The following CNBD1 variants were observed in gnomAD, a reference collection of about 807,000 sequenced individuals.
CNBD1 encodes the protein cyclic nucleotide binding domain containing 1.
In CNBD1, 71 loss-of-function variants were observed where a neutral mutation model predicts 54.4. The ratio of observed to expected loss-of-function variants is 1.30; its 90% CI spans 1.08 to 1.59. The LOEUF (loss-of-function observed/expected upper bound fraction) is 1.59. CNBD1 is among the 40% of genes most tolerant of loss of function. The pLI is 0.00. For synonymous variants in CNBD1, 182 were observed against 170.7 expected (o/e 1.07, Z -0.51); for missense variants, 659 against 518.0 (o/e 1.27, Z -2.64).
At chr8:87,039,436 A>T (rs764322598) in intron 4 of CNBD1, among the ~76,000 whole-genome samples, 2 of 151,924 alleles carry the variant, frequency 1.3e-5, no homozygotes, top group Admixed American at 6.6e-5. Flanking sequence ...GTTTCTGATG[A>T]TATATTATTT....
chr8:87,255,717 T>G (rs1229219822), intron 6 of CNBD1, among the ~76,000 whole-genome samples: 1 of 151,548 alleles, frequency 6.6e-6, no homozygotes. Flanking sequence ...ACTGCCTAAC[T>G]TCCAACATTG....
intron 1 of CNBD1, among the ~76,000 whole-genome samples, chr8:86,880,013 C>T (rs1174305017): frequency 6.6e-6 from 1 of 152,074 alleles, no homozygotes; most frequent in Non-Finnish European, 1.5e-5. Flanking sequence ...GAAAGTTTAA[C>T]AATCACATTA....
chr8:87,302,247 C>A (rs1370081655), intron 8 of CNBD1, among the ~76,000 whole-genome samples: 4 of 152,178 alleles, frequency 2.6e-5, no homozygotes, highest in Non-Finnish European at 5.9e-5. Flanking sequence ...CAATAAAATA[C>A]TGGCAAACTG....
rs1325615503 is a variant in CNBD1, at chr8:87,120,897, A to C, written c.432-85096A>C. On this transcript the variant is annotated intron_variant, in intron 4 of 10. Transcript: ENST00000518476. ...TTTTGTAGATATTTTGTCAGGTTTT[A>C]GCATCAGATTTGTGCTGGGCACATA... is the stretch of plus-strand genomic sequence containing the variant. Among the ~76,000 whole-genome samples the C allele has an allele frequency of 2.6e-5, 4 of 152,084 alleles. No homozygotes were observed. The East Asian group carries it at 7.7e-4, about 29-fold the overall frequency.
chr8:87,128,222 A>G (rs560532803), intron 4 of CNBD1, among the ~76,000 whole-genome samples: 127 of 152,324 alleles, frequency 8.3e-4, no homozygotes, highest in African/African-American at 2.8e-3. Context: ...CCTGGGTACC[A>G]AGAAGGCACT....
chr8:86,959,945 ATT>A (rs140021213), intron 4 of CNBD1, among the ~76,000 whole-genome samples: 8,913 of 152,154 alleles, frequency 0.059, 335 homozygotes, highest in East Asian at 0.16. Flanking sequence ...GATTTTCAGA[ATT>A]TTCAGCTTTT....
intron 10 of CNBD1, among the ~76,000 whole-genome samples, chr8:87,376,055 A>G (rs960161582): frequency 6.6e-6 from 1 of 151,992 alleles, no homozygotes; most frequent in Non-Finnish European, 1.5e-5. Flanking sequence ...AAATAAAAGC[A>G]GAGATGAACT....
At chr8:87,421,641 A>G (rs1160626346) in intron 2 of CNBD1, among the ~76,000 whole-genome samples, 2 of 151,920 alleles carry the variant, frequency 1.3e-5, no homozygotes, top group African/African-American at 4.8e-5. Flanking sequence ...TCCACGGTGT[A>G]TATGTGCCAC....
chr8:87,087,249 A>G (rs1811115054), intron 4 of CNBD1, among the ~76,000 whole-genome samples: 2 of 139,106 alleles, frequency 1.4e-5, no homozygotes, highest in Non-Finnish European at 3.0e-5. Context: ...ATATATACGT[A>G]TATATATATA....
chr8:87,031,445 C>T (rs1358632182), intron 4 of CNBD1, among the ~76,000 whole-genome samples: 2 of 152,210 alleles, frequency 1.3e-5, no homozygotes, highest in African/African-American at 2.4e-5. Context: ...CAGTAGGGCT[C>T]ATTTTGATTA....
intron 6 of CNBD1, among the ~76,000 whole-genome samples, chr8:87,256,059 G>T (rs1313735849): frequency 4.8e-5 from 5 of 104,514 alleles, no homozygotes; most frequent in Non-Finnish European, 8.8e-5. Context: ...GTCTCACTCT[G>T]TCACCCAGGC....
intron 2 of CNBD1, among the ~76,000 whole-genome samples, chr8:87,393,218 T>C (rs1036663330): frequency 6.6e-6 from 1 of 151,768 alleles, no homozygotes; most frequent in Non-Finnish European, 1.5e-5. Context: ...GAGGCAGTAG[T>C]CCCCTATTTA....
At chr8:87,384,795 G>A (rs1189989127), downstream of CNBD1, among the ~76,000 whole-genome samples, 1 of 152,066 alleles carries the variant, frequency 6.6e-6, no homozygotes, top group Non-Finnish European at 1.5e-5. Flanking sequence ...AACAATATAG[G>A]TAGAGTGAAA....
chr8:87,389,583 T>G (rs986874584), intron 2 of CNBD1, among the ~76,000 whole-genome samples: 2 of 152,086 alleles, frequency 1.3e-5, no homozygotes, highest in African/African-American at 4.8e-5. Context: ...TACAAACCAC[T>G]GCTCGAAGTA....
chr8:87,095,774 T>C (rs1014991759), intron 4 of CNBD1, among the ~76,000 whole-genome samples: 1 of 152,146 alleles, frequency 6.6e-6, no homozygotes, highest in Non-Finnish European at 1.5e-5. Context: ...TCTCCTGCCT[T>C]AGCCTCCCGA....
rs201586401 is a variant in CNBD1 at position 87,062,688 on chromosome 8, AG to A, written c.431+122935del. ...GGGAGGCAGCGATTGCGGTGAGCCAAGATCACCGTTGCACTCCAGCCTGAGC... is the reference window on the plus strand; with the variant it reads ...GGGAGGCAGCGATTGCGGTGAGCCAAATCACCGTTGCACTCCAGCCTGAGC... On this transcript the variant is annotated intron_variant, in intron 4 of 10. Transcript: ENST00000518476. Among the ~76,000 whole-genome samples the A allele has an allele frequency of 7.8e-3, 1,182 of 152,192 alleles. 6 individuals are homozygous for A. Among genetic ancestry groups the A allele is most frequent in the South Asian group, 0.021 (100 of 4,820 alleles).
intron 10 of CNBD1, among the ~76,000 whole-genome samples, chr8:87,354,812 G>A (rs750116589): frequency 6.6e-6 from 1 of 152,130 alleles, no homozygotes; most frequent in Non-Finnish European, 1.5e-5. Context: ...ATCACTGTTG[G>A]ACATTTGGGT....
chr8:86,992,906 G>A lies in CNBD1; in HGVS notation c.431+53152G>A, dbSNP rs559679176. ...TTTTTATTTTCACATTTACTTTGGCGAAATCTGAAAGGCACTATATGCCTT... is the reference window on the plus strand; with the variant it reads ...TTTTTATTTTCACATTTACTTTGGCAAAATCTGAAAGGCACTATATGCCTT... On this transcript the variant is annotated intron_variant, in intron 4 of 10. Transcript: ENST00000518476. Among the ~76,000 whole-genome samples, 7 of 152,160 alleles carry A rather than the reference G, an allele frequency of 4.6e-5. No homozygotes were observed. The South Asian group carries it at 1.0e-3, about 23-fold the overall frequency.
intron 4 of CNBD1, among the ~76,000 whole-genome samples, chr8:87,188,055 A>T (rs1246674288): frequency 1.3e-5 from 2 of 152,142 alleles, no homozygotes; most frequent in Admixed American, 6.5e-5. Context: ...CTGAACTTTC[A>T]TTCCCAAGTG....
Sources: allele counts gnomAD v4.1 joint callset (sites outside exome capture counted in the v4.1 genomes callset), GRCh38; gene constraint gnomAD v4.1.1; transcripts MANE v1.5; gene names NCBI Gene and HGNC (gene_info 2026-07-23, HGNC 2026-07-21).